CPT1A: variants seen among roughly 807,000 people sequenced by gnomAD.
CPT1A encodes the protein carnitine palmitoyltransferase 1A, also known as carnitine O-palmitoyltransferase 1, liver isoform.
In CPT1A, 64 loss-of-function variants were observed where a neutral mutation model predicts 100.8. The ratio of observed to expected loss-of-function variants is 0.63; its 90% CI spans 0.52 to 0.78. The LOEUF (loss-of-function observed/expected upper bound fraction) is 0.78, where lower values mean the gene tolerates loss of function less well. CPT1A is among the 30% of genes least tolerant of loss of function. The pLI is 0.00. For missense variants in CPT1A, 802 were observed against 1,034.1 expected, an observed-to-expected ratio of 0.78 and a Z score of 3.08; for synonymous variants, 363 against 396.0, an observed-to-expected ratio of 0.92 and a Z score of 0.99.
intron 4 of CPT1A, among the ~76,000 whole-genome samples, chr11:68,804,655 G>T (rs561034038): frequency 6.6e-6 from 1 of 152,342 alleles, no homozygotes; most frequent in South Asian, 2.1e-4. Flanking sequence ...GACAGAGGCC[G>T]TGAGATGTCG....
chr11:68,757,611 A>G lies in CPT1A; in HGVS notation c.*33T>C. On this transcript the variant is annotated 3_prime_UTR_variant, in exon 19 of 19. Coordinates refer to ENST00000265641, the MANE Select transcript of CPT1A (RefSeq NM_001876.4). ...TTTTTCATTTGGTTTGCATCAGAAGAGCTCGTTTTCCTTCCCAGCAGCTCC... is the reference window on the plus strand; with the variant it reads ...TTTTTCATTTGGTTTGCATCAGAAGGGCTCGTTTTCCTTCCCAGCAGCTCC... 1 of 1,614,068 alleles carries G rather than the reference A, an allele frequency of 6.2e-7. No homozygotes were observed. The highest frequency in any genetic ancestry group is 1.3e-5 in the African/African-American group (1 of 75,048).
intron 6 of CPT1A, among the ~76,000 whole-genome samples, 170 bp from the exon 7 acceptor site, chr11:68,797,103 C>T (rs1303020635): frequency 7.2e-5 from 11 of 152,044 alleles, no homozygotes; most frequent in Admixed American, 2.6e-4. Context: ...AGATGGAATG[C>T]GACACCGTGG....
intron 14 of CPT1A, among the ~76,000 whole-genome samples, chr11:68,769,613 G>A (rs921621710): frequency 3.3e-5 from 5 of 151,890 alleles, no homozygotes; most frequent in African/African-American, 4.8e-5. Flanking sequence ...CCACCTCCCC[G>A]TGTCCTGCCT....
chr11:68,763,468 G>A (rs1854694236), intron 14 of CPT1A, among the ~76,000 whole-genome samples: 1 of 152,026 alleles, frequency 6.6e-6, no homozygotes, highest in Non-Finnish European at 1.5e-5. Flanking sequence ...ACTGCGTCTG[G>A]AAGATGGTGA....
chr11:68,810,725 C>A (rs992878092), intron 3 of CPT1A, among the ~76,000 whole-genome samples: 1 of 152,182 alleles, frequency 6.6e-6, no homozygotes, highest in East Asian at 1.9e-4. Context: ...TGGCTCACAC[C>A]TGTAATCCCA....
intron 6 of CPT1A, among the ~76,000 whole-genome samples, chr11:68,798,502 T>A (rs960843715): frequency 6.6e-6 from 1 of 152,150 alleles, no homozygotes; most frequent in Non-Finnish European, 1.5e-5. Context: ...TTGCTTTGTC[T>A]GCCGGAGGCC....
intron 1 of CPT1A, among the ~76,000 whole-genome samples, chr11:68,828,414 C>A (rs993119972): frequency 2.6e-5 from 4 of 152,218 alleles, no homozygotes; most frequent in Non-Finnish European, 5.9e-5. Flanking sequence ...CCCCCCACCT[C>A]CCACCTGCGT....
At chr11:68,770,173 G>A (rs776049950) in intron 14 of CPT1A, among the ~76,000 whole-genome samples, 1 of 152,046 alleles carries the variant, frequency 6.6e-6, no homozygotes, top group Non-Finnish European at 1.5e-5. Context: ...GTTGGGGGGC[G>A]AGTGCTCCTC....
intron 1 of CPT1A, among the ~76,000 whole-genome samples, chr11:68,817,746 C>G: frequency 1.6e-5 from 1 of 62,020 alleles, no homozygotes; most frequent in Non-Finnish European, 3.0e-5. Context: ...CAAGGACAGG[C>G]TGTTGGGGGG....
intron 5 of CPT1A, among the ~76,000 whole-genome samples, chr11:68,802,529 A>C (rs1409579128): frequency 2.0e-5 from 3 of 151,360 alleles, no homozygotes; most frequent in Non-Finnish European, 4.4e-5. Context: ...CAGGCGATGG[A>C]GACCATCCTG....
At chr11:68,807,692 CCAA>C (rs1856087129) in intron 3 of CPT1A, 54 bp from the exon 4 acceptor site, 1 of 1,572,336 alleles carries the variant, frequency 6.4e-7, no homozygotes, top group Admixed American at 1.7e-5. Flanking sequence ...CACGGTGCCA[CCAA>C]CACCACCGGT....
At chr11:68,778,548 T>C (rs915663579) in intron 12 of CPT1A, among the ~76,000 whole-genome samples, 1 of 151,734 alleles carries the variant, frequency 6.6e-6, no homozygotes, top group Non-Finnish European at 1.5e-5. Flanking sequence ...ATATAAAAAT[T>C]ATCCGGGCAT....
chr11:68,786,599 C>T (rs1043457926), intron 9 of CPT1A, among the ~76,000 whole-genome samples: 3 of 152,182 alleles, frequency 2.0e-5, no homozygotes, highest in African/African-American at 4.8e-5. Context: ...GGCGCGATCT[C>T]GGCTCACTGC....
chr11:68,766,826 G>GAAA (rs11306055), intron 14 of CPT1A, among the ~76,000 whole-genome samples: 30 of 138,444 alleles, frequency 2.2e-4, no homozygotes, highest in African/African-American at 7.9e-4. Flanking sequence ...TATCAAGGAG[G>GAAA]AAAAAAAAAA....
intron 11 of CPT1A, 104 bp downstream of exon 11, chr11:68,781,667 T>C: frequency 2.0e-6 from 2 of 1,012,088 alleles, no homozygotes; most frequent in Non-Finnish European, 1.6e-6. Flanking sequence ...TATGCCACCT[T>C]CTTTCTTAGC....
intron 16 of CPT1A, among the ~76,000 whole-genome samples, chr11:68,760,925 G>A (rs1390589902): frequency 1.3e-5 from 2 of 152,178 alleles, no homozygotes; most frequent in East Asian, 1.9e-4. Context: ...GGAGGCTGAG[G>A]CAGGAGAATA....
At chr11:68,763,274 T>C (rs548620308) in intron 14 of CPT1A, among the ~76,000 whole-genome samples, 1 of 151,900 alleles carries the variant, frequency 6.6e-6, no homozygotes, top group African/African-American at 2.4e-5. Context: ...GTTAACCAGG[T>C]TTCTGTTTCA....
intron 14 of CPT1A, among the ~76,000 whole-genome samples, chr11:68,767,994 G>C (rs892335146): frequency 1.3e-5 from 2 of 148,226 alleles, no homozygotes; most frequent in African/African-American, 2.5e-5. Context: ...TCCCAGGCAC[G>C]CATCTTTAAC....
rs1854963407 is a variant in CPT1A at position 68,770,718 on chromosome 11, T to C, written c.1740+2547A>G. On this transcript the variant is annotated intron_variant, in intron 14 of 18. Coordinates refer to ENST00000265641, the MANE Select transcript of CPT1A (RefSeq NM_001876.4). Reference sequence around the variant, plus strand: ...CACAAAACCAGCCTCTCACCGCTGGTGTACGCCACTGTGGGTGACTATTCT... The same window carrying C: ...CACAAAACCAGCCTCTCACCGCTGGCGTACGCCACTGTGGGTGACTATTCT... Among the ~76,000 whole-genome samples the C allele has an allele frequency of 3.3e-5, 5 of 152,324 alleles. No homozygotes were observed. The South Asian group carries it at 1.0e-3, about 32-fold the overall frequency.
Sources: gnomAD v4.1 joint callset for allele counts (sites outside exome capture counted in the v4.1 genomes callset) on GRCh38, gnomAD v4.1.1 for gene constraint, MANE v1.5 for transcripts, NCBI Gene and HGNC (gene_info 2026-07-23, HGNC 2026-07-21) for gene names.